KCTD16: variants seen among roughly 807,000 people sequenced by gnomAD.
KCTD16 encodes the protein BTB/POZ domain-containing protein KCTD16.
A neutral mutation model predicts 33.2 loss-of-function variants in KCTD16; 13 were observed. That is an observed-to-expected ratio of 0.39 (90% confidence interval 0.25 to 0.62). The LOEUF (loss-of-function observed/expected upper bound fraction) is 0.62, where lower values mean the gene tolerates loss of function less well. KCTD16 is among the 20% of genes least tolerant of loss of function. The pLI is 0.50. For synonymous variants in KCTD16, 197 were observed against 195.3 expected (o/e 1.01, Z -0.07); for missense variants, 441 against 525.1 (o/e 0.84, Z 1.57).
chr5:144,194,011 G>A (rs1319042464), intron 2 of KCTD16, among the ~76,000 whole-genome samples: 1 of 152,124 alleles, frequency 6.6e-6, no homozygotes, highest in African/African-American at 2.4e-5. Context: ...TAAGGTGCTG[G>A]TAGATCTCTG....
intron 3 of KCTD16, among the ~76,000 whole-genome samples, chr5:144,305,617 C>T (rs1194393497): frequency 6.6e-6 from 1 of 152,020 alleles, no homozygotes; most frequent in East Asian, 1.9e-4. Context: ...AGATCGAGAC[C>T]ATCCTGGCCA....
At chr5:144,456,211 C>CG (rs1302426506) in intron 3 of KCTD16, among the ~76,000 whole-genome samples, 2 of 151,522 alleles carry the variant, frequency 1.3e-5, no homozygotes, top group South Asian at 2.1e-4. Flanking sequence ...CAAACCCCCC[C>CG]CAACAAAATA....
At chr5:144,228,969 G>A (rs991590787) in intron 3 of KCTD16, among the ~76,000 whole-genome samples, 10 of 152,224 alleles carry the variant, frequency 6.6e-5, no homozygotes, top group African/African-American at 2.4e-4. Context: ...ATATAAAATA[G>A]TAGTCCAGGA....
intron 3 of KCTD16, among the ~76,000 whole-genome samples, chr5:144,259,158 T>C (rs572509244): frequency 6.8e-6 from 1 of 147,514 alleles, no homozygotes; most frequent in East Asian, 2.0e-4. Context: ...CTCAGGAGAC[T>C]GAGGCAGGAG....
chr5:144,316,624 G>A (rs1561564710), intron 3 of KCTD16, among the ~76,000 whole-genome samples: 1 of 144,588 alleles, frequency 6.9e-6, no homozygotes, highest in Non-Finnish European at 1.5e-5. Context: ...GTGATTCTCC[G>A]GCCTCAGCCT....
At chr5:144,203,372 CT>C (rs1753086088) in intron 2 of KCTD16, among the ~76,000 whole-genome samples, 1 of 151,922 alleles carries the variant, frequency 6.6e-6, no homozygotes, top group Middle Eastern at 3.2e-3. Context: ...CAAAAAAAAT[CT>C]TGTTTCTTAA....
At chr5:144,364,501 G>T (rs192938208) in intron 3 of KCTD16, among the ~76,000 whole-genome samples, 64 of 152,240 alleles carry the variant, frequency 4.2e-4, no homozygotes, top group African/African-American at 9.4e-4. Context: ...AGATCCAATC[G>T]CATTTTATCG....
chr5:144,318,174 G>A (rs1259290718), intron 3 of KCTD16, among the ~76,000 whole-genome samples: 2 of 152,136 alleles, frequency 1.3e-5, no homozygotes, highest in Non-Finnish European at 2.9e-5. Flanking sequence ...ATCTCTTTTT[G>A]TTATTGAAAG....
chr5:144,249,336 G>C (rs1375697058), intron 3 of KCTD16, among the ~76,000 whole-genome samples: 2 of 151,830 alleles, frequency 1.3e-5, no homozygotes, highest in African/African-American at 2.4e-5. Flanking sequence ...ATGCTCTTTT[G>C]TAATCATTAT....
chr5:144,368,391 C>A (rs149955652), intron 3 of KCTD16, among the ~76,000 whole-genome samples: 1 of 151,892 alleles, frequency 6.6e-6, no homozygotes, highest in African/African-American at 2.4e-5. Context: ...AAGGACTCAG[C>A]GCAACATTGC....
intron 3 of KCTD16, among the ~76,000 whole-genome samples, chr5:144,363,678 G>C (rs1751769391): frequency 6.6e-6 from 1 of 152,132 alleles, no homozygotes; most frequent in African/African-American, 2.4e-5. Flanking sequence ...ATGGGTGCTG[G>C]AGTGTAGGAA....
chr5:144,406,261 C>T (rs1346576512), intron 3 of KCTD16, among the ~76,000 whole-genome samples: 1 of 152,036 alleles, frequency 6.6e-6, no homozygotes, highest in African/African-American at 2.4e-5. Context: ...AGTGGCTGAG[C>T]GGCAATGATT....
chr5:144,301,635 C>T (rs1220179856), intron 3 of KCTD16, among the ~76,000 whole-genome samples: 2 of 152,158 alleles, frequency 1.3e-5, no homozygotes, highest in Non-Finnish European at 2.9e-5. Context: ...TTGCACAATG[C>T]CGTCTCGACA....
At chr5:144,356,500 A>T (rs1217153976) in intron 3 of KCTD16, among the ~76,000 whole-genome samples, 1 of 152,138 alleles carries the variant, frequency 6.6e-6, no homozygotes, top group Non-Finnish European at 1.5e-5. Context: ...AGATTCTGAA[A>T]GGTCAGTTTC....
At chr5:144,378,623 A>G (rs1310878870) in intron 3 of KCTD16, among the ~76,000 whole-genome samples, 2 of 152,176 alleles carry the variant, frequency 1.3e-5, no homozygotes, top group Admixed American at 6.6e-5. Context: ...TGTCATTTCT[A>G]TGCCTTTGTT....
intron 3 of KCTD16, among the ~76,000 whole-genome samples, chr5:144,376,926 G>A (rs1752106125): frequency 6.6e-6 from 1 of 152,210 alleles, no homozygotes; most frequent in African/African-American, 2.4e-5. Context: ...TCATAATTGA[G>A]CAGTCTTTCT....
intron 3 of KCTD16, among the ~76,000 whole-genome samples, chr5:144,363,042 T>C (rs575155450): frequency 6.6e-6 from 1 of 152,292 alleles, no homozygotes; most frequent in Non-Finnish European, 1.5e-5. Context: ...TGGCCACTCA[T>C]TTGTTCTTTG....
At chr5:144,253,827 C>A (rs1226261891) in intron 3 of KCTD16, among the ~76,000 whole-genome samples, 1 of 152,086 alleles carries the variant, frequency 6.6e-6, no homozygotes, top group Non-Finnish European at 1.5e-5. Context: ...AATACATATA[C>A]CTAGACCAAA....
chr5:144,202,421 G>C (rs536388246), intron 2 of KCTD16, among the ~76,000 whole-genome samples: 2 of 152,274 alleles, frequency 1.3e-5, no homozygotes, highest in African/African-American at 4.8e-5. Flanking sequence ...TTTCCTTCAA[G>C]TCTTTTATCT....
Sources: allele counts gnomAD v4.1 joint callset (sites outside exome capture counted in the v4.1 genomes callset), GRCh38; gene constraint gnomAD v4.1.1; transcripts MANE v1.5; gene names NCBI Gene and HGNC (gene_info 2026-07-23, HGNC 2026-07-21).